The following VWA5B1 variants were observed in gnomAD, a reference collection of about 807,000 sequenced individuals.
VWA5B1 encodes von Willebrand factor A domain containing 5B1.
In VWA5B1, 115 loss-of-function variants were observed where a neutral mutation model predicts 118.2. The observed-to-expected ratio is 0.97, with a 90% CI of 0.84 to 1.14. The LOEUF is 1.14. VWA5B1 is among the 50% of genes most tolerant of loss of function. The pLI is 0.00. For missense variants in VWA5B1, 1,596 were observed against 1,603.8 expected (o/e 1.00, Z 0.08); for synonymous variants, 682 against 658.4 (o/e 1.04, Z -0.55).
At position 20,355,467 on chromosome 1, in the gene VWA5B1, C is replaced by T. The variant is rs1289533973; in HGVS notation, c.*1204C>T. On this transcript the variant is annotated 3_prime_UTR_variant, in exon 22 of 22. Transcript: ENST00000289815. ...GACTCCCCTGGAGGTGGGTCTAGAC[C>T]TCACCAAGGAACCCCACCAGCTTGG... Among the ~76,000 whole-genome samples the T allele has an allele frequency of 1.3e-5, 2 of 152,232 alleles. No individual in the cohort carries two copies. The highest frequency in any genetic ancestry group is 3.8e-4 in the East Asian group (2 of 5,196).
intron 7 of VWA5B1, among the ~76,000 whole-genome samples, chr1:20,319,955 G>C (rs1454680728): frequency 1.3e-5 from 2 of 152,164 alleles, no homozygotes; most frequent in Non-Finnish European, 2.9e-5. Flanking sequence ...AGTGGGGAAA[G>C]CCTGAGAAAG....
chr1:20,307,533 G>T (rs981976389), intron 1 of VWA5B1, among the ~76,000 whole-genome samples: 1 of 152,240 alleles, frequency 6.6e-6, no homozygotes, highest in Non-Finnish European at 1.5e-5. Context: ...GTTTTATGAG[G>T]ATTAAATGAG....
intron 16 of VWA5B1, 109 bp from the exon 17 acceptor site, chr1:20,345,347 C>T: frequency 8.3e-6 from 12 of 1,440,170 alleles, no homozygotes; most frequent in Non-Finnish European, 1.1e-5. Flanking sequence ...CTTCTTTAAT[C>T]CCAAAGATGG....
chr1:20,303,044 A>T (rs1021606860), intron 1 of VWA5B1: 3 of 152,260 alleles, frequency 2.0e-5, no homozygotes, highest in African/African-American at 7.2e-5. Context: ...GGTTAGGACA[A>T]TCAGACCAGA....
chr1:20,351,366 A>G (rs2090125527), intron 20 of VWA5B1, among the ~76,000 whole-genome samples: 2 of 151,862 alleles, frequency 1.3e-5, no homozygotes, highest in South Asian at 4.2e-4. Flanking sequence ...AAAAAATTTA[A>G]AAATAGGCCA....
chr1:20,344,740 G>A (rs1475947141), intron 16 of VWA5B1, among the ~76,000 whole-genome samples: 1 of 152,126 alleles, frequency 6.6e-6, no homozygotes, highest in Non-Finnish European at 1.5e-5. Context: ...CTTTATTTCT[G>A]TAATAATATT....
At chr1:20,339,007 G>A (rs1347113904) in intron 14 of VWA5B1, 1 of 152,216 alleles carries the variant, frequency 6.6e-6, no homozygotes, top group East Asian at 1.9e-4. Flanking sequence ...GCTAGGCCAG[G>A]GTTTCTCAGC....
intron 14 of VWA5B1, chr1:20,338,313 T>C (rs987428469): frequency 5.8e-6 from 2 of 344,402 alleles, no homozygotes; most frequent in Non-Finnish European, 1.1e-5. Context: ...TTCCAGGGGA[T>C]ATACATTTAC....
chr1:20,332,006 T>G (rs751655621), intron 11 of VWA5B1, among the ~76,000 whole-genome samples: 16 of 152,022 alleles, frequency 1.1e-4, no homozygotes, highest in Non-Finnish European at 1.9e-4. Flanking sequence ...CATGTCAAAT[T>G]CAGTATTGCA....
intron 12 of VWA5B1, among the ~76,000 whole-genome samples, chr1:20,334,881 A>C (rs572825369): frequency 6.6e-6 from 1 of 152,290 alleles, no homozygotes; most frequent in East Asian, 1.9e-4. Flanking sequence ...CTAGCCCATA[A>C]AAATAAAAGT....
At chr1:20,329,988 G>A (rs2089499590) in intron 9 of VWA5B1, among the ~76,000 whole-genome samples, 192 bp from the exon 10 acceptor site, 1 of 152,208 alleles carries the variant, frequency 6.6e-6, no homozygotes. Context: ...GGTAGGGGGT[G>A]CTGTTGAGCA....
At chr1:20,340,040 G>A (rs2089833143) in intron 14 of VWA5B1, among the ~76,000 whole-genome samples, 1 of 152,112 alleles carries the variant, frequency 6.6e-6, no homozygotes, top group African/African-American at 2.4e-5. Context: ...GCTCTATTTG[G>A]TGAGAGCTCT....
Position 20,343,259 on chromosome 1 carries a change from T to A in VWA5B1, c.2492T>A (p.Leu831Gln). The A allele has an allele frequency of 6.5e-7, 1 of 1,548,678 alleles. No homozygotes were observed. The highest frequency in any genetic ancestry group is 8.7e-7 in the Non-Finnish European group (1 of 1,146,772). The change falls in exon 16 of 22, where the codon CTG becomes CAG. Residue 831 changes from leucine (L) to glutamine (Q), a missense_variant. Coordinates refer to ENST00000289815, the MANE Select transcript of VWA5B1 (RefSeq NM_001039500.3). ...CTGCAGTGGGAGGTGAGCTTCGAGC[T>A]GGGGACCCCTGGACCGGAGCGGGGC... Reference protein sequence around the residue: ...QRLQWEVSFELGTPGPERGGA... With the variant: ...QRLQWEVSFEQGTPGPERGGA...
chr1:20,318,233 G>C (rs2089086202), intron 5 of VWA5B1, among the ~76,000 whole-genome samples: 1 of 151,766 alleles, frequency 6.6e-6, no homozygotes, highest in South Asian at 2.1e-4. Context: ...TTGCATTCCA[G>C]TGTGAGGTGC....
chr1:20,333,676 T>C (rs191028779), intron 12 of VWA5B1, among the ~76,000 whole-genome samples: 76 of 152,342 alleles, frequency 5.0e-4, no homozygotes, highest in African/African-American at 1.1e-3. Flanking sequence ...TGAGTTTGTG[T>C]TTTATTTCTT....
At chr1:20,303,580 G>GTGGCAGAGCC (rs1457951805) in intron 1 of VWA5B1, among the ~76,000 whole-genome samples, 1 of 152,178 alleles carries the variant, frequency 6.6e-6, no homozygotes, top group African/African-American at 2.4e-5. Flanking sequence ...CAAAATGTGA[G>GTGGCAGAGCC]TGGCAGAGCC....
intron 1 of VWA5B1, among the ~76,000 whole-genome samples, chr1:20,309,517 C>G (rs181063453): frequency 8.5e-5 from 13 of 152,282 alleles, no homozygotes; most frequent in Non-Finnish European, 1.3e-4. Context: ...GACACATGTC[C>G]GGAGTGGAAA....
rs187047483 is a variant in VWA5B1, at chr1:20,358,961, G to T, written c.*4698G>T. 1.5e-3 allele frequency among the ~76,000 whole-genome samples: 234 copies of T among 152,308 alleles called. No individual in the cohort carries two copies. Among genetic ancestry groups the T allele is most frequent in the African/African-American group, 5.2e-3 (216 of 41,568 alleles). The stretch of plus-strand genomic sequence containing the variant: ...ACAGCTCCCAACCGTGGACCTCTCT[G>T]CCCTGTGTGTCCAGCCCTGCTCCCA... On this transcript the variant is annotated 3_prime_UTR_variant, in exon 22 of 22. Coordinates refer to ENST00000289815, the MANE Select transcript of VWA5B1 (RefSeq NM_001039500.3).
intron 9 of VWA5B1, 24 bp from the exon 10 acceptor site, chr1:20,330,156 T>G (rs2089503377): frequency 6.4e-7 from 1 of 1,551,538 alleles, no homozygotes; most frequent in African/African-American, 1.4e-5. Context: ...ACGGTGACAC[T>G]GGGGACTGTC....
Sources: gnomAD v4.1 joint callset for allele counts (sites outside exome capture counted in the v4.1 genomes callset) on GRCh38, gnomAD v4.1.1 for gene constraint, MANE v1.5 for transcripts, NCBI Gene and HGNC (gene_info 2026-07-23, HGNC 2026-07-21) for gene names.